ITGBL1: variants seen among roughly 807,000 people sequenced by gnomAD.
ITGBL1 encodes the protein integrin subunit beta like 1.
Under a neutral mutation model 68.5 loss-of-function variants are expected in ITGBL1, and 51 were observed. The observed-to-expected ratio is 0.74, with a 90% CI of 0.59 to 0.94. ITGBL1 has a LOEUF of 0.94. ITGBL1 is among the 40% of genes least tolerant of loss of function. The pLI is 0.00. For missense variants in ITGBL1, 649 were observed against 647.4 expected (o/e 1.00, Z -0.03); for synonymous variants, 209 against 227.3 (o/e 0.92, Z 0.72).
chr13:101,493,509 G>A (rs188724539), intron 2 of ITGBL1, among the ~76,000 whole-genome samples: 1 of 152,106 alleles, frequency 6.6e-6, no homozygotes, highest in African/African-American at 2.4e-5. Flanking sequence ...TCTATGGGGG[G>A]AGTGATAACA....
intron 2 of ITGBL1, among the ~76,000 whole-genome samples, chr13:101,524,389 CTT>C (rs67860075): frequency 0.73 from 106,972 of 147,164 alleles, 38,620 homozygotes; most frequent in South Asian, 0.78. Flanking sequence ...TATTCTTATT[CTT>C]TTTTTTTTTT....
intron 6 of ITGBL1, among the ~76,000 whole-genome samples, chr13:101,590,654 C>G (rs778843642): frequency 6.6e-6 from 1 of 152,190 alleles, no homozygotes; most frequent in African/African-American, 2.4e-5. Context: ...ACAAGTCTCT[C>G]GCAAATGTCA....
At chr13:101,590,402 C>A (rs990077362) in intron 6 of ITGBL1, among the ~76,000 whole-genome samples, 3 of 152,054 alleles carry the variant, frequency 2.0e-5, no homozygotes, top group African/African-American at 4.8e-5. Flanking sequence ...TATTTTCCCT[C>A]CCCAGGGAGG....
intron 6 of ITGBL1, among the ~76,000 whole-genome samples, chr13:101,583,880 T>A (rs1432922543): frequency 6.6e-6 from 1 of 152,172 alleles, no homozygotes; most frequent in East Asian, 1.9e-4. Context: ...TCTTTTAAAG[T>A]TAGTCTAATT....
chr13:101,600,651 T>C (rs368183888), intron 7 of ITGBL1, among the ~76,000 whole-genome samples: 79 of 152,156 alleles, frequency 5.2e-4, no homozygotes, highest in African/African-American at 1.7e-3. Context: ...GCATGAAGGG[T>C]TGTTGAATTT....
At chr13:101,675,940 G>C (rs760598503) in intron 7 of ITGBL1, among the ~76,000 whole-genome samples, 1 of 151,776 alleles carries the variant, frequency 6.6e-6, no homozygotes, top group Non-Finnish European at 1.5e-5. Flanking sequence ...GTCTACCATC[G>C]AATATCCTTA....
chr13:101,587,842 A>T (rs951292348), intron 6 of ITGBL1, among the ~76,000 whole-genome samples: 3 of 152,180 alleles, frequency 2.0e-5, no homozygotes, highest in Non-Finnish European at 4.4e-5. Context: ...ATTGAATTTA[A>T]AAAAAATAGC....
Position 101,706,916 on chromosome 13 carries a change from C to T in ITGBL1, c.1279+14C>T. On this transcript the variant is annotated intron_variant, in intron 9 of 10. Transcript: ENST00000376180. ...GCTCGGGGAAGGGTGAGTATCTCTG[C>T]TGGTGCCTGGACTCCATTCCTGTTC... 6.2e-7 allele frequency: 1 copy of T among 1,610,932 alleles called. No individual in the cohort carries two copies. The highest frequency in any genetic ancestry group is 8.5e-7 in the Non-Finnish European group (1 of 1,177,634).
At chr13:101,584,347 A>G (rs10467273) in intron 6 of ITGBL1, among the ~76,000 whole-genome samples, 30,598 of 152,204 alleles carry the variant, frequency 0.2, 3,370 homozygotes, top group African/African-American at 0.27. Flanking sequence ...AAAAGGTATC[A>G]TTTAGCAAAA....
At chr13:101,462,726 G>A (rs1448116735) in intron 2 of ITGBL1, among the ~76,000 whole-genome samples, 1 of 152,138 alleles carries the variant, frequency 6.6e-6, no homozygotes, top group Non-Finnish European at 1.5e-5. Flanking sequence ...GGGACTGTAG[G>A]CATGCGCCCC....
At chr13:101,543,173 C>T (rs1437546734) in intron 2 of ITGBL1, among the ~76,000 whole-genome samples, 1 of 152,110 alleles carries the variant, frequency 6.6e-6, no homozygotes, top group Non-Finnish European at 1.5e-5. Flanking sequence ...TACAATTTGG[C>T]ATTTTTTTGT....
intron 3 of ITGBL1, among the ~76,000 whole-genome samples, chr13:101,569,461 T>C (rs538949970): frequency 1.3e-3 from 192 of 152,298 alleles, no homozygotes; most frequent in African/African-American, 4.5e-3. Flanking sequence ...CTGTACTCTC[T>C]CATTTTTTAA....
At chr13:101,595,316 G>C (rs1032185366) in intron 6 of ITGBL1, among the ~76,000 whole-genome samples, 1 of 152,056 alleles carries the variant, frequency 6.6e-6, no homozygotes, top group African/African-American at 2.4e-5. Flanking sequence ...CAGATCTTAC[G>C]TGAACTACCA....
At chr13:101,700,059 AG>A (rs2034099057) in intron 8 of ITGBL1, among the ~76,000 whole-genome samples, 2 of 152,148 alleles carry the variant, frequency 1.3e-5, no homozygotes, top group South Asian at 4.2e-4. Flanking sequence ...CTTCACTTCT[AG>A]GGCTTTAAGT....
At chr13:101,542,769 G>T (rs1166528629) in intron 2 of ITGBL1, among the ~76,000 whole-genome samples, 1 of 152,200 alleles carries the variant, frequency 6.6e-6, no homozygotes. Context: ...ATTTAGGATA[G>T]TTAGCTCTTC....
chr13:101,558,484 A>T (rs980230660), intron 2 of ITGBL1, among the ~76,000 whole-genome samples: 4 of 152,208 alleles, frequency 2.6e-5, no homozygotes, highest in Admixed American at 2.0e-4. Flanking sequence ...AAGATTTCTG[A>T]CAAATAGAGT....
intron 7 of ITGBL1, among the ~76,000 whole-genome samples, chr13:101,678,626 A>G (rs969747960): frequency 6.6e-6 from 1 of 151,398 alleles, no homozygotes; most frequent in Non-Finnish European, 1.5e-5. Flanking sequence ...CAGCCTCCTC[A>G]GTAGCTGGGA....
rs1832093 is a variant in ITGBL1, at chr13:101,517,168, G to C, written c.317-50531G>C. On this transcript the variant is annotated intron_variant, in intron 2 of 10. Coordinates refer to ENST00000376180, the MANE Select transcript of ITGBL1 (RefSeq NM_004791.3). ...CTGCCCCTAGCTATATTTTATATTT[G>C]CATTTCAGGCAAGAGACCAAAAAAC... Among the ~76,000 whole-genome samples, 1,233 of 151,872 alleles carry C rather than the reference G, an allele frequency of 8.1e-3. 2 individuals are homozygous for C. The highest frequency in any genetic ancestry group is 0.015 in the Non-Finnish European group (990 of 67,932).
chr13:101,583,870 T>TTTTAA (rs1341140176), intron 6 of ITGBL1, among the ~76,000 whole-genome samples: 6 of 152,176 alleles, frequency 3.9e-5, no homozygotes, highest in Non-Finnish European at 7.4e-5. Flanking sequence ...GGGCACCCAC[T>TTTTAA]CTTTTAAAGT....
Sources: gnomAD v4.1 joint callset for allele counts (sites outside exome capture counted in the v4.1 genomes callset) on GRCh38, gnomAD v4.1.1 for gene constraint, MANE v1.5 for transcripts, NCBI Gene and HGNC (gene_info 2026-07-23, HGNC 2026-07-21) for gene names.